The following CYFIP2 variants were observed in gnomAD, a reference collection of about 807,000 sequenced individuals.
CYFIP2 encodes the protein cytoplasmic FMR1-interacting protein 2.
Under a neutral mutation model 158.7 loss-of-function variants are expected in CYFIP2, and 29 were observed. The observed-to-expected ratio is 0.18, with a 90% confidence interval of 0.14 to 0.25. The LOEUF (loss-of-function observed/expected upper bound fraction) is 0.25, where lower values mean the gene tolerates loss of function less well. Ranked by LOEUF, CYFIP2 falls within the 10% of genes least tolerant of loss-of-function variation. The pLI is 1.00. For synonymous variants in CYFIP2, 585 were observed against 617.6 expected, an observed-to-expected ratio of 0.95 and a Z score of 0.78; for missense variants, 852 against 1,639.5, an observed-to-expected ratio of 0.52 and a Z score of 8.29.
chr5:157,273,490 A>C (rs1197879613), intron 1 of CYFIP2, among the ~76,000 whole-genome samples: 1 of 152,160 alleles, frequency 6.6e-6, no homozygotes, highest in Non-Finnish European at 1.5e-5. Flanking sequence ...GAGAAACCAA[A>C]ACAGGCAGGG....
chr5:157,379,657 A>G (rs113211959), intron 26 of CYFIP2, among the ~76,000 whole-genome samples: 17 of 102,944 alleles, frequency 1.7e-4, no homozygotes, highest in African/African-American at 5.9e-4. Context: ...CAAGGGAGCA[A>G]GACCCTGTCT....
chr5:157,391,417 A>G (rs747705045), intron 30 of CYFIP2, among the ~76,000 whole-genome samples: 46 of 152,072 alleles, frequency 3.0e-4, no homozygotes, highest in African/African-American at 1.1e-3. Context: ...ATCTTCCCCA[A>G]CTGAAACTCC....
chr5:157,310,774 G>C (rs745560405), intron 10 of CYFIP2, among the ~76,000 whole-genome samples: 2 of 152,216 alleles, frequency 1.3e-5, no homozygotes, highest in Non-Finnish European at 2.9e-5. Flanking sequence ...AGGGAGGCCT[G>C]AGGAAGGCTG....
chr5:157,299,504 C>T (rs1446765207), intron 5 of CYFIP2, among the ~76,000 whole-genome samples: 1 of 152,178 alleles, frequency 6.6e-6, no homozygotes, highest in Non-Finnish European at 1.5e-5. Flanking sequence ...AAGGACAACC[C>T]CTCTGAGCGC....
At chr5:157,350,604 G>A (rs1474970970) in intron 23 of CYFIP2, among the ~76,000 whole-genome samples, 6 of 152,168 alleles carry the variant, frequency 3.9e-5, no homozygotes, top group Non-Finnish European at 7.3e-5. Flanking sequence ...CTTTGGCTGT[G>A]TGGGCTCTTT....
intron 23 of CYFIP2, among the ~76,000 whole-genome samples, chr5:157,357,836 AAAC>A (rs1198934360): frequency 1.3e-5 from 2 of 151,824 alleles, no homozygotes; most frequent in East Asian, 3.9e-4. Context: ...CTCAAAAAAA[AAAC>A]AAAGAAAAAA....
At chr5:157,268,563 T>C (rs539173819) in intron 1 of CYFIP2, among the ~76,000 whole-genome samples, 9 of 152,198 alleles carry the variant, frequency 5.9e-5, no homozygotes, top group African/African-American at 9.6e-5. Flanking sequence ...ACAGTACGGG[T>C]CCCAGTCCCT....
At chr5:157,323,841 A>C (rs374424841) in intron 15 of CYFIP2, 80 bp from the exon 16 acceptor site, 1 of 1,397,136 alleles carries the variant, frequency 7.2e-7, no homozygotes, top group African/African-American at 1.5e-5. Context: ...AAAAAAATAC[A>C]TAAATACAAC....
intron 26 of CYFIP2, among the ~76,000 whole-genome samples, chr5:157,371,029 A>T (rs573154): frequency 6.6e-6 from 1 of 152,090 alleles, no homozygotes; most frequent in African/African-American, 2.4e-5. Context: ...AGGAGCAGAG[A>T]CAGCGTCTCT....
intron 28 of CYFIP2, among the ~76,000 whole-genome samples, chr5:157,388,637 A>G (rs1413929269): frequency 6.6e-6 from 1 of 152,202 alleles, no homozygotes; most frequent in African/African-American, 2.4e-5. Flanking sequence ...CATTTCTGCA[A>G]TTTGTTCTAT....
At chr5:157,318,389 C>T (rs1438667790) in intron 13 of CYFIP2, among the ~76,000 whole-genome samples, 1 of 152,162 alleles carries the variant, frequency 6.6e-6, no homozygotes, top group African/African-American at 2.4e-5. Context: ...TTACTCCTTC[C>T]TTTTTCCTAA....
At chr5:157,277,329 C>T (rs1325964303) in intron 1 of CYFIP2, among the ~76,000 whole-genome samples, 1 of 152,136 alleles carries the variant, frequency 6.6e-6, no homozygotes, top group East Asian at 1.9e-4. Flanking sequence ...CTGAGTCTGG[C>T]CTTATCTGTG....
chr5:157,382,496 C>A, intron 26 of CYFIP2, 94 bp from the exon 27 acceptor site: 2 of 1,322,750 alleles, frequency 1.5e-6, no homozygotes, highest in Non-Finnish European at 2.1e-6. Context: ...GAACCCAGGT[C>A]TAGCTAACTC....
At chr5:157,353,098 G>C (rs745890581) in intron 23 of CYFIP2, among the ~76,000 whole-genome samples, 31 of 152,336 alleles carry the variant, frequency 2.0e-4, no homozygotes, top group Middle Eastern at 3.4e-3. Flanking sequence ...AGAAGCCTGA[G>C]AGAATACATT....
intron 14 of CYFIP2, 145 bp from the exon 15 acceptor site, chr5:157,320,510 G>C: frequency 9.4e-7 from 1 of 1,064,674 alleles, no homozygotes. Context: ...TTTTGGAATT[G>C]GGGCAGAAAT....
chr5:157,339,119 G>C lies in CYFIP2; in HGVS notation c.2448G>C (p.Thr816=). The C allele has an allele frequency of 6.2e-7, 1 of 1,613,984 alleles. No homozygotes were observed. ...ATCGGCTGCTCTGTAAGCATATGAC[G>C]CTGGACAGCTTCGATGCCATGTTCC... ...LTHRLLCKHM[T]LDSFDAMFRE... The change falls in exon 22 of 31, where the codon ACG becomes ACC. Residue 816 remains threonine (T), a synonymous_variant. Transcript: ENST00000620254.
At chr5:157,377,503 C>T (rs763407460) in intron 26 of CYFIP2, among the ~76,000 whole-genome samples, 7 of 152,158 alleles carry the variant, frequency 4.6e-5, no homozygotes, top group African/African-American at 1.2e-4. Context: ...TCCCCATAGA[C>T]CCCAGGCATA....
chr5:157,309,973 A>T, intron 10 of CYFIP2, 139 bp downstream of exon 10: 1 of 800,298 alleles, frequency 1.2e-6, no homozygotes, highest in Non-Finnish European at 2.0e-6. Flanking sequence ...TGCCGGCCGG[A>T]GGGGAGCCGC....
chr5:157,349,460 T>C (rs1762925652), intron 23 of CYFIP2, among the ~76,000 whole-genome samples: 1 of 152,268 alleles, frequency 6.6e-6, no homozygotes, highest in Admixed American at 6.5e-5. Context: ...TCATTGCTTT[T>C]TATGGCTGAG....
Sources: allele counts gnomAD v4.1 joint callset (sites outside exome capture counted in the v4.1 genomes callset), GRCh38; gene constraint gnomAD v4.1.1; transcripts MANE v1.5; gene names NCBI Gene and HGNC (gene_info 2026-07-23, HGNC 2026-07-21).